NHSL1: variants seen among roughly 807,000 people sequenced by gnomAD.
NHSL1 encodes NHS like 1.
NHSL1 carries 48 observed loss-of-function variants against 95.0 expected under a neutral mutation model. That is an observed-to-expected ratio of 0.51 (90% CI 0.40 to 0.64). The LOEUF is 0.64. Among genes scored for constraint, NHSL1 ranks in the 30% least tolerant of loss-of-function variants. NHSL1 has a pLI of 0.00. For synonymous variants in NHSL1, 783 were observed against 833.9 expected, an observed-to-expected ratio of 0.94 and a Z score of 1.05; for missense variants, 1,971 against 2,077.7, an observed-to-expected ratio of 0.95 and a Z score of 1.00.
chr6:138,630,586 T>C (rs1784805750), intron 1 of NHSL1, among the ~76,000 whole-genome samples: 1 of 152,170 alleles, frequency 6.6e-6, no homozygotes, highest in Non-Finnish European at 1.5e-5. Context: ...GGTTTCTCCA[T>C]GTTGGCCAAG....
intron 1 of NHSL1, among the ~76,000 whole-genome samples, chr6:138,554,930 AG>A (rs1783139548): frequency 6.6e-6 from 1 of 152,228 alleles, no homozygotes; most frequent in South Asian, 2.1e-4. Flanking sequence ...GAGTTACTTC[AG>A]GACCCATAGG....
At chr6:138,652,091 ATTATT>A (rs1785100099) in intron 1 of NHSL1, among the ~76,000 whole-genome samples, 1 of 152,208 alleles carries the variant, frequency 6.6e-6, no homozygotes, top group African/African-American at 2.4e-5. Flanking sequence ...AATAATATTT[ATTATT>A]TTGTGTTTAC....
upstream of NHSL1, chr6:138,499,516 A>T (rs1484927446): frequency 1.0e-5 from 10 of 1,001,188 alleles, no homozygotes; most frequent in East Asian, 2.1e-4. Context: ...ACTGAAACCT[A>T]ATCTTTAAGG....
At position 138,478,012 on chromosome 6, in the gene NHSL1, C is replaced by CTTTTT. The variant is rs71009589; in HGVS notation, c.212-4584_212-4580dup. On this transcript the variant is annotated intron_variant, in intron 2 of 7. Transcript: ENST00000343505. Reference sequence around the variant, plus strand: ...TTTTTTCACCATGAAATTTATGTCACTTTTTTTTTTTTTTTTTTTTTTTTT... The same window carrying CTTTTT: ...TTTTTTCACCATGAAATTTATGTCACTTTTTTTTTTTTTTTTTTTTTTTTTTTTTT... Among the ~76,000 whole-genome samples, 221 of 30,016 alleles carry CTTTTT rather than the reference C, an allele frequency of 7.4e-3. 19 individuals carry two copies. The highest frequency in any genetic ancestry group is 9.7e-3 in the East Asian group (7 of 720). 19.7% of individuals were successfully genotyped at this position (30,016 alleles called of 152,430 possible).
chr6:138,462,919 A>G (rs533273988), intron 3 of NHSL1, among the ~76,000 whole-genome samples: 31 of 152,346 alleles, frequency 2.0e-4, no homozygotes, highest in African/African-American at 7.2e-4. Context: ...GCCATGTAAT[A>G]TAAGCCAAGG....
chr6:138,686,475 C>A (rs1043252204), intron 1 of NHSL1, among the ~76,000 whole-genome samples: 2 of 152,096 alleles, frequency 1.3e-5, no homozygotes, highest in Admixed American at 1.3e-4. Context: ...ACAGCCAGAT[C>A]CTGTCTAAAA....
chr6:138,598,322 G>T (rs1302809800), intron 1 of NHSL1, among the ~76,000 whole-genome samples: 1 of 152,126 alleles, frequency 6.6e-6, no homozygotes, highest in Admixed American at 6.5e-5. Flanking sequence ...GCCGGGCATG[G>T]TGGTGGTCAC....
At chr6:138,428,445 T>C (rs1452663674) in intron 7 of NHSL1, among the ~76,000 whole-genome samples, 1 of 152,218 alleles carries the variant, frequency 6.6e-6, no homozygotes, top group Non-Finnish European at 1.5e-5. Flanking sequence ...TTTCTCTGTT[T>C]TGAGAAATAA....
intron 3 of NHSL1, among the ~76,000 whole-genome samples, chr6:138,454,850 T>A (rs1202622117): frequency 1.3e-5 from 2 of 152,246 alleles, no homozygotes; most frequent in Admixed American, 6.5e-5. Flanking sequence ...TATATTCACA[T>A]ACAGCACTGA....
intron 1 of NHSL1, among the ~76,000 whole-genome samples, chr6:138,620,229 T>G (rs1352664003): frequency 2.6e-5 from 4 of 152,190 alleles, no homozygotes; most frequent in Admixed American, 2.6e-4. Context: ...CAAAGCCCTT[T>G]TTTTTGAAAC....
At chr6:138,530,605 G>A (rs1782093671) in intron 1 of NHSL1, among the ~76,000 whole-genome samples, 1 of 152,170 alleles carries the variant, frequency 6.6e-6, no homozygotes, top group Non-Finnish European at 1.5e-5. Context: ...GCCATAAAGT[G>A]GAATGAAATA....
At chr6:138,527,557 T>C (rs1178702276) in intron 1 of NHSL1, among the ~76,000 whole-genome samples, 1 of 152,174 alleles carries the variant, frequency 6.6e-6, no homozygotes, top group Non-Finnish European at 1.5e-5. Context: ...GGATTACCAG[T>C]GTCCAGGCAT....
chr6:138,574,661 T>C (rs1783936085), upstream of NHSL1, among the ~76,000 whole-genome samples: 1 of 138,390 alleles, frequency 7.2e-6, no homozygotes, highest in African/African-American at 2.9e-5. Context: ...ACTCTGTGTC[T>C]ACAAATAATG....
At chr6:138,590,749 C>G (rs935260133) in intron 1 of NHSL1, among the ~76,000 whole-genome samples, 6 of 152,330 alleles carry the variant, frequency 3.9e-5, no homozygotes, top group Admixed American at 3.3e-4. Context: ...TGGGATTTCC[C>G]TCCTTTGCAC....
At chr6:138,502,609 G>A (rs1022021131), upstream of NHSL1, among the ~76,000 whole-genome samples, 4 of 151,742 alleles carry the variant, frequency 2.6e-5, no homozygotes, top group Non-Finnish European at 5.9e-5. Flanking sequence ...CATTGCACAG[G>A]GCAAAAAAAG....
intron 1 of NHSL1, among the ~76,000 whole-genome samples, chr6:138,620,129 A>G (rs1784635614): frequency 6.6e-6 from 1 of 152,206 alleles, no homozygotes; most frequent in Admixed American, 6.5e-5. Context: ...GATGGAAACT[A>G]AAGAATCCTT....
At chr6:138,550,264 T>A (rs1297117435), upstream of NHSL1, among the ~76,000 whole-genome samples, 3 of 152,036 alleles carry the variant, frequency 2.0e-5, no homozygotes, top group Non-Finnish European at 4.4e-5. Flanking sequence ...AAAATAATTT[T>A]AAAAAGCCCT....
intron 1 of NHSL1, among the ~76,000 whole-genome samples, chr6:138,679,685 C>T (rs530812342): frequency 7.3e-4 from 111 of 152,238 alleles, no homozygotes; most frequent in Admixed American, 1.8e-3. Flanking sequence ...AACACGCAGA[C>T]CCCTGAGGAC....
chr6:138,612,400 T>C (rs768155347), intron 1 of NHSL1, among the ~76,000 whole-genome samples: 1 of 152,094 alleles, frequency 6.6e-6, no homozygotes, highest in Admixed American at 6.6e-5. Context: ...ATTAAAACCA[T>C]GGTATATGCA....
Sources: gnomAD v4.1 joint callset for allele counts (sites outside exome capture counted in the v4.1 genomes callset) on GRCh38, gnomAD v4.1.1 for gene constraint, MANE v1.5 for transcripts, NCBI Gene and HGNC (gene_info 2026-07-23, HGNC 2026-07-21) for gene names.